Variants in IL1RAPL1 observed in about 807,000 individuals in gnomAD.
IL1RAPL1 encodes interleukin 1 receptor accessory protein like 1, also known as interleukin-1 receptor accessory protein-like 1.
IL1RAPL1 carries 3 observed loss-of-function variants against 48.4 expected under a neutral mutation model. The observed-to-expected ratio is 0.06, with a 90% confidence interval of 0.03 to 0.16. The LOEUF (loss-of-function observed/expected upper bound fraction) is 0.16. Ranked by LOEUF, IL1RAPL1 falls within the 10% of genes least tolerant of loss-of-function variation. The pLI is 1.00. For missense variants in IL1RAPL1, 349 were observed against 530.6 expected, an observed-to-expected ratio of 0.66 and a Z score of 3.36; for synonymous variants, 185 against 187.7, an observed-to-expected ratio of 0.99 and a Z score of 0.12.
intron 2 of IL1RAPL1, among the ~76,000 whole-genome samples, chrX:29,052,602 T>A (rs938563149): frequency 5.1e-5 from 5 of 98,565 alleles, no homozygotes; most frequent in African/African-American, 1.9e-4. Context: ...TAACCACCAC[T>A]CTACTCTTAT....
intron 2 of IL1RAPL1, 135 bp downstream of exon 2, chrX:28,789,560 G>T (rs1936511814): frequency 2.0e-6 from 1 of 502,801 alleles, no homozygotes; most frequent in East Asian, 3.7e-5. Context: ...GATATTATGA[G>T]TAAATAGGTG....
chrX:29,349,676 C>T (rs1266850938), intron 3 of IL1RAPL1, among the ~76,000 whole-genome samples: 2 of 110,811 alleles, frequency 1.8e-5, no homozygotes, highest in Non-Finnish European at 3.8e-5. Flanking sequence ...AAGTTCTTTC[C>T]CTTTGAACCT....
At chrX:28,754,782 C>T (rs963392826) in intron 1 of IL1RAPL1, among the ~76,000 whole-genome samples, 2 of 111,863 alleles carry the variant, frequency 1.8e-5, no homozygotes, top group Non-Finnish European at 3.8e-5. Flanking sequence ...TCTGGAACAA[C>T]GTTGGAAATC....
chrX:29,129,308 T>C (rs1206147276), intron 2 of IL1RAPL1, among the ~76,000 whole-genome samples: 1 of 110,314 alleles, frequency 9.1e-6, no homozygotes, highest in Admixed American at 9.7e-5. Context: ...CTCCCAAAGT[T>C]CTGGGATTAC....
At chrX:29,230,116 G>C (rs1335623724) in intron 2 of IL1RAPL1, among the ~76,000 whole-genome samples, 6 of 111,616 alleles carry the variant, frequency 5.4e-5, no homozygotes, top group African/African-American at 2.0e-4. Context: ...TTGTTGTGAA[G>C]TTATTGGCTA....
At chrX:29,111,639 A>G (rs1185592195) in intron 2 of IL1RAPL1, among the ~76,000 whole-genome samples, 1 of 111,734 alleles carries the variant, frequency 8.9e-6, no homozygotes, top group East Asian at 2.8e-4. Context: ...GTTATTAGAT[A>G]AATGCAGTCA....
chrX:28,634,392 T>G (rs1200036422), intron 1 of IL1RAPL1, among the ~76,000 whole-genome samples: 1 of 109,520 alleles, frequency 9.1e-6, no homozygotes, highest in South Asian at 3.8e-4. Flanking sequence ...TGTACACGTA[T>G]ATACGTATAC....
At chrX:29,033,038 CAT>C (rs1428928598) in intron 2 of IL1RAPL1, among the ~76,000 whole-genome samples, 1 of 111,764 alleles carries the variant, frequency 8.9e-6, no homozygotes, top group Non-Finnish European at 1.9e-5. Context: ...TTATGTGGGA[CAT>C]ATAAAAATAT....
At chrX:29,695,717 A>G in intron 6 of IL1RAPL1, among the ~76,000 whole-genome samples, 1 of 110,762 alleles carries the variant, frequency 9.0e-6, no homozygotes, top group Non-Finnish European at 1.9e-5. Context: ...TTACCTGCCA[A>G]AGGCCCCAAC....
intron 5 of IL1RAPL1, among the ~76,000 whole-genome samples, chrX:29,479,147 C>G (rs1424544204): frequency 9.2e-6 from 1 of 109,227 alleles, no homozygotes; most frequent in Non-Finnish European, 1.9e-5. Flanking sequence ...CTGTGGCTCA[C>G]GTCTGTAATC....
chrX:29,569,411 G>T (rs745974746), intron 5 of IL1RAPL1, among the ~76,000 whole-genome samples: 3 of 110,934 alleles, frequency 2.7e-5, no homozygotes, highest in African/African-American at 9.8e-5. Context: ...TTCATTCAGG[G>T]TATATTAACA....
intron 2 of IL1RAPL1, among the ~76,000 whole-genome samples, chrX:29,197,245 T>C (rs892256320): frequency 5.3e-5 from 6 of 112,389 alleles, no homozygotes; most frequent in Non-Finnish European, 1.1e-4. Flanking sequence ...CTTAGAAATA[T>C]AGAAATCATT....
chrX:28,745,689 G>A (rs1293047104), intron 1 of IL1RAPL1, among the ~76,000 whole-genome samples: 1 of 111,502 alleles, frequency 9.0e-6, no homozygotes, highest in Non-Finnish European at 1.9e-5. Context: ...AAAGAGAAAT[G>A]ATTTTAAGAC....
intron 8 of IL1RAPL1, among the ~76,000 whole-genome samples, chrX:29,928,249 G>C (rs1207925816): frequency 1.2e-4 from 13 of 111,874 alleles, no homozygotes; most frequent in Non-Finnish European, 1.3e-4. Flanking sequence ...ATGATAAACA[G>C]GCAGTGTAGA....
chrX:29,272,362 G>C (rs1837569639), intron 2 of IL1RAPL1, among the ~76,000 whole-genome samples: 1 of 111,586 alleles, frequency 9.0e-6, no homozygotes, highest in South Asian at 3.7e-4. Context: ...GTTCTGTTCT[G>C]TTATTGTTCT....
At chrX:29,828,748 A>G (rs1162839597) in intron 6 of IL1RAPL1, among the ~76,000 whole-genome samples, 2 of 111,785 alleles carry the variant, frequency 1.8e-5, no homozygotes, top group Non-Finnish European at 3.8e-5. Flanking sequence ...TTATATGCCC[A>G]TCATAAAATT....
At chrX:28,697,652 A>G (rs1442368960) in intron 1 of IL1RAPL1, among the ~76,000 whole-genome samples, 1 of 111,206 alleles carries the variant, frequency 9.0e-6, no homozygotes, top group African/African-American at 3.3e-5. Flanking sequence ...TATTAAAAGT[A>G]CCCCCTCTTT....
chrX:28,897,674 G>A, intron 2 of IL1RAPL1, among the ~76,000 whole-genome samples: 1 of 112,076 alleles, frequency 8.9e-6, no homozygotes, highest in South Asian at 3.8e-4. Context: ...ATCTCCCAAG[G>A]GAGTTCCCCC....
chrX:28,838,889 A>G (rs1921293100), intron 2 of IL1RAPL1, among the ~76,000 whole-genome samples: 2 of 111,365 alleles, frequency 1.8e-5, no homozygotes, highest in Non-Finnish European at 3.8e-5. Context: ...TCTCTGACAC[A>G]TGCACACTGA....
Sources: allele counts gnomAD v4.1 joint callset (sites outside exome capture counted in the v4.1 genomes callset), GRCh38; gene constraint gnomAD v4.1.1; transcripts MANE v1.5; gene names NCBI Gene and HGNC (gene_info 2026-07-23, HGNC 2026-07-21).